ABCA6: variants seen among roughly 807,000 people sequenced by gnomAD.
The protein encoded by ABCA6 is ATP-binding cassette sub-family A member 6.
Under a neutral mutation model 191.2 loss-of-function variants are expected in ABCA6, and 164 were observed. The ratio of observed to expected loss-of-function variants is 0.86; its 90% CI spans 0.76 to 0.98. ABCA6 has a LOEUF of 0.98. Ranked by LOEUF, ABCA6 falls within the 50% of genes least tolerant of loss-of-function variation. The probability of loss-of-function intolerance (pLI) is 0.00; values close to 1 mark genes in which losing one functional copy is unlikely to be tolerated. For missense variants in ABCA6, 1,958 were observed against 1,894.1 expected, an observed-to-expected ratio of 1.03 and a Z score of -0.63; for synonymous variants, 636 against 647.7, an observed-to-expected ratio of 0.98 and a Z score of 0.27.
Position 69,112,214 on chromosome 17 carries a change from T to C in ABCA6, c.2101A>G (p.Lys701Glu), listed in dbSNP as rs759179279. Residue 701 changes from lysine to glutamate, a missense_variant, in exon 16 of 39, where the codon AAA becomes GAA. Coordinates refer to ENST00000284425, the MANE Select transcript of ABCA6 (RefSeq NM_080284.3). ...TGATATCCAAGACCCCACCTTCTTT[T>C]CAAAAACATAGAAGAACCTGCACAC... The part of the protein sequence containing the change: ...LKCAGSSMFL[K>E]RRWGLGYHLS... 17 of 1,612,634 alleles carry C rather than the reference T, an allele frequency of 1.1e-5. No homozygotes were observed. The highest frequency in any genetic ancestry group is 1.7e-5 in the Admixed American group (1 of 59,910).
chr17:69,129,708 A>C lies in ABCA6; in HGVS notation c.835T>G (p.Ser279Ala). The C allele has an allele frequency of 6.2e-7, 1 of 1,604,508 alleles. No homozygotes were observed. Among genetic ancestry groups the C allele is most frequent in the South Asian group, 1.1e-5 (1 of 90,482 alleles). ...LIYAGFIFIISIFVTIIITFT... is the reference protein window; with the variant it reads ...LIYAGFIFIIAIFVTIIITFT... ...GTTATGATAATTGTAACGAATATGG[A>C]AATAATAAAGATGAAGCCAGCATAG... The change falls in exon 7 of 39, where the codon TCC (serine) becomes GCC (alanine). Residue 279 changes from serine to alanine, a missense_variant. Transcript: ENST00000284425.
At chr17:69,124,044 C>T (rs1220777776) in intron 9 of ABCA6, among the ~76,000 whole-genome samples, 1 of 151,810 alleles carries the variant, frequency 6.6e-6, no homozygotes, top group African/African-American at 2.4e-5. Context: ...ATAATTTGAC[C>T]ACAGCAACAT....
chr17:69,128,247 GT>G (rs2073789325), intron 8 of ABCA6, among the ~76,000 whole-genome samples: 1 of 151,804 alleles, frequency 6.6e-6, no homozygotes, highest in Non-Finnish European at 1.5e-5. Context: ...TGTTTGGAAA[GT>G]TTTTCATATT....
rs1393688557 is a variant in ABCA6, at chr17:69,096,267, A to G, written c.3381T>C (p.Ser1127=). ...AAAAGAAGTAAAATGACCAAAGGCC[A>G]CTGTTTTTTCTCCTTTTGCGAAAAA... ...SFIFRKRRKN[S]GLWSFYFFFA... is the part of the protein sequence containing the mutation. Residue 1127 remains serine, a synonymous_variant, in exon 25 of 39, where the codon AGT becomes AGC. Coordinates refer to ENST00000284425, the MANE Select transcript of ABCA6 (RefSeq NM_080284.3). 6.6e-7 allele frequency: 1 copy of G among 1,514,936 alleles called. No individual in the cohort carries two copies. Among genetic ancestry groups the G allele is most frequent in the Non-Finnish European group, 8.9e-7 (1 of 1,127,306 alleles). The allele number at this position is 1,514,936 out of a possible 1,614,324, so 93.8% of individuals were successfully genotyped here.
chr17:69,101,645 G>A (rs1002163878), intron 21 of ABCA6, among the ~76,000 whole-genome samples: 1 of 150,682 alleles, frequency 6.6e-6, no homozygotes, highest in African/African-American at 2.4e-5. Flanking sequence ...CTGGCCTTCT[G>A]GATAGGAGAT....
At chr17:69,114,232 C>T (rs1489908993) in intron 13 of ABCA6, among the ~76,000 whole-genome samples, 1 of 151,828 alleles carries the variant, frequency 6.6e-6, no homozygotes, top group African/African-American at 2.4e-5. Context: ...ACTATGCAGC[C>T]CATAAAAAAT....
chr17:69,115,673 T>C, intron 11 of ABCA6, 187 bp from the exon 12 acceptor site: 1 of 420,454 alleles, frequency 2.4e-6, no homozygotes, highest in South Asian at 6.2e-5. Context: ...AGAACTATAA[T>C]AATTAAAATA....
At chr17:69,134,788 A>T (rs1046293623) in intron 4 of ABCA6, 46 bp from the exon 5 acceptor site, 6 of 1,322,044 alleles carry the variant, frequency 4.5e-6, no homozygotes, top group Non-Finnish European at 5.4e-6. Flanking sequence ...GGACGAGGGC[A>T]GTTGGAGAAT....
At chr17:69,139,965 G>A in intron 2 of ABCA6, among the ~76,000 whole-genome samples, 2 of 119,986 alleles carry the variant, frequency 1.7e-5, no homozygotes. Context: ...GGGGAGGGGG[G>A]AGGGATAGCA....
chr17:69,085,726 A>T lies in ABCA6; in HGVS notation c.3938-10T>A. On this transcript the variant is annotated splice_polypyrimidine_tract_variant and intron_variant, in intron 30 of 38. Transcript: ENST00000284425. ...AATCCCAAAATTTCACCTGAAAGAA[A>T]GAATCAGACTATCAATATTGGAAGT... The T allele has an allele frequency of 2.6e-6, 4 of 1,547,780 alleles. No homozygotes were observed. The highest frequency in any genetic ancestry group is 3.6e-6 in the Non-Finnish European group (4 of 1,122,426).
chr17:69,131,382 T>C (rs1245818986), intron 6 of ABCA6, among the ~76,000 whole-genome samples: 2 of 152,022 alleles, frequency 1.3e-5, no homozygotes, highest in Admixed American at 6.6e-5. Flanking sequence ...TTAAAAAACA[T>C]ATCACATTCT....
chr17:69,134,786 G>T, intron 4 of ABCA6, 44 bp from the exon 5 acceptor site: 2 of 1,338,212 alleles, frequency 1.5e-6, no homozygotes, highest in Non-Finnish European at 2.1e-6. Flanking sequence ...TGGGACGAGG[G>T]CAGTTGGAGA....
At position 69,125,169 on chromosome 17, in the gene ABCA6, G is replaced by A. The variant is rs552787251; in HGVS notation, c.1120-134C>T. On this transcript the variant is annotated intron_variant, in intron 8 of 38. Coordinates refer to ENST00000284425, the MANE Select transcript of ABCA6 (RefSeq NM_080284.3). Reference sequence around the variant, plus strand: ...AGTTACTAGTCAAATATATAAATAAGTAAATAAAGGTATTGGTCAAAATAT... The same window carrying A: ...AGTTACTAGTCAAATATATAAATAAATAAATAAAGGTATTGGTCAAAATAT... 173 of 358,116 alleles carry A rather than the reference G, an allele frequency of 4.8e-4. 2 individuals carry two copies. The East Asian group carries it at 7.6e-3, about 16-fold the overall frequency. 22.2% of individuals were successfully genotyped at this position (358,116 alleles called of 1,614,324 possible). A position where few individuals can be genotyped will look rare whatever the true frequency, so the allele number is the denominator to read the frequency against.
In ABCA6 at chr17:69,105,575, T is replaced by C; in HGVS notation, c.2627A>G (p.Tyr876Cys). Residue 876 changes from tyrosine to cysteine, a missense_variant, in exon 20 of 39, where the codon TAT becomes TGT. Transcript: ENST00000284425. ...IFPLIVENIM[Y>C]AMLNEKIDWE... is the part of the protein sequence containing the mutation. ...ATCGATCTTTTCATTTAACATAGCA[T>C]ACATTATATTTTCAACAATCAAAGG... is the stretch of plus-strand genomic sequence containing the variant. The C allele has an allele frequency of 6.4e-7, 1 of 1,569,340 alleles. No homozygotes were observed. The highest frequency in any genetic ancestry group is 1.1e-5 in the South Asian group (1 of 88,388).
Position 69,123,348 on chromosome 17 carries a change from G to A in ABCA6, c.1327C>T (p.His443Tyr). 6.4e-7 allele frequency: 1 copy of A among 1,564,186 alleles called. No homozygotes were observed. The highest frequency in any genetic ancestry group is 8.7e-7 in the Non-Finnish European group (1 of 1,148,990). Residue 443 changes from histidine (H) to tyrosine (Y), a missense_variant, in exon 10 of 39, where the codon CAC becomes TAC. Transcript: ENST00000284425. ...FFLNSSSCFQ[H>Y]QRTNAKVIEK... ...ATAACCTTAGCATTAGTCCTTTGGT[G>A]TTGGAAACAAGATGATGAATTCAAG...
In ABCA6 at chr17:69,136,348, C is replaced by T. The variant is rs1172818886; in HGVS notation, c.302-98G>A. On this transcript the variant is annotated intron_variant, in intron 3 of 38. Coordinates refer to ENST00000284425, the MANE Select transcript of ABCA6 (RefSeq NM_080284.3). ...TGTTTCCCCATATAATTTCATTAGA[C>T]TTAAATTAAAATCATTTTCCATTTA... 41 of 974,274 alleles carry T rather than the reference C, an allele frequency of 4.2e-5. No individual in the cohort carries two copies. In the East Asian group the frequency reaches 1.2e-3, roughly 28 times the overall value. 60.4% of individuals were successfully genotyped at this position (974,274 alleles called of 1,614,324 possible).
intron 29 of ABCA6, 58 bp downstream of exon 29, chr17:69,087,295 G>A (rs1366875091): frequency 1.9e-6 from 3 of 1,591,358 alleles, no homozygotes; most frequent in Non-Finnish European, 2.6e-6. Flanking sequence ...ATCAAATCCT[G>A]CTCTTGACAG....
At chr17:69,081,227 CA>C in intron 36 of ABCA6, 82 bp from the exon 37 acceptor site, 1 of 673,224 alleles carries the variant, frequency 1.5e-6, no homozygotes, top group South Asian at 2.1e-5. Flanking sequence ...ATATTACCAA[CA>C]ATTTTCTTCT....
chr17:69,139,295 A>C (rs1254906493), intron 2 of ABCA6, among the ~76,000 whole-genome samples: 7 of 152,222 alleles, frequency 4.6e-5, no homozygotes, highest in African/African-American at 7.2e-5. Context: ...AGGATATGAA[A>C]AGACACTTCT....
Sources: allele counts gnomAD v4.1 joint callset (sites outside exome capture counted in the v4.1 genomes callset), GRCh38; gene constraint gnomAD v4.1.1; transcripts MANE v1.5; gene names NCBI Gene and HGNC (gene_info 2026-07-23, HGNC 2026-07-21).